RBMS1: variants seen among roughly 807,000 people sequenced by gnomAD.
The protein encoded by RBMS1 is RNA-binding motif, single-stranded-interacting protein 1.
RBMS1 carries 17 observed loss-of-function variants against 62.3 expected under a neutral mutation model. That is an observed-to-expected ratio of 0.27 (90% CI 0.19 to 0.41). The LOEUF (loss-of-function observed/expected upper bound fraction) is 0.41. Ranked by LOEUF, RBMS1 falls within the 10% of genes least tolerant of loss-of-function variation. RBMS1 has a pLI of 1.00. For synonymous variants in RBMS1, 172 were observed against 170.0 expected (o/e 1.01, Z -0.09); for missense variants, 334 against 504.5 (o/e 0.66, Z 3.24).
At chr2:160,332,285 A>G (rs934598388) in intron 2 of RBMS1, among the ~76,000 whole-genome samples, 5 of 152,366 alleles carry the variant, frequency 3.3e-5, no homozygotes, top group Non-Finnish European at 7.4e-5. Context: ...GTAAAAGAAT[A>G]GCGGCAAAGA....
At chr2:160,392,805 T>C (rs1326205447) in intron 1 of RBMS1, among the ~76,000 whole-genome samples, 6 of 151,904 alleles carry the variant, frequency 3.9e-5, no homozygotes, top group Non-Finnish European at 8.8e-5. Context: ...GGTGGGAGGA[T>C]TGCTCCAGCT....
intron 13 of RBMS1, chr2:160,275,399 G>C (rs1020981220): frequency 1.6e-6 from 1 of 616,260 alleles, no homozygotes; most frequent in Admixed American, 4.5e-5. Context: ...CTTTTTAGTG[G>C]GGAGAGTATA....
At chr2:160,488,196 A>G (rs1685674800) in intron 1 of RBMS1, among the ~76,000 whole-genome samples, 1 of 152,190 alleles carries the variant, frequency 6.6e-6, no homozygotes, top group Non-Finnish European at 1.5e-5. Context: ...TAACCAAACT[A>G]CCTATGGTAG....
intron 1 of RBMS1, among the ~76,000 whole-genome samples, chr2:160,485,632 A>G (rs1685569647): frequency 6.6e-6 from 1 of 152,032 alleles, no homozygotes; most frequent in Non-Finnish European, 1.5e-5. Flanking sequence ...ACTCACTTAT[A>G]AGTTAAGGTA....
chr2:160,311,224 C>CCATATATATATA (rs71297446), intron 4 of RBMS1, among the ~76,000 whole-genome samples: 3,255 of 55,912 alleles, frequency 0.058, 270 homozygotes, highest in Admixed American at 0.13. Flanking sequence ...ATCTATCTAT[C>CCATATATATATA]TATCTATCTA....
At position 160,493,463 on chromosome 2, in the gene RBMS1, C is replaced by T. The variant is rs1259137061; in HGVS notation, c.-100G>A. 9.8e-6 allele frequency: 10 copies of T among 1,024,088 alleles called. No individual in the cohort carries two copies. Among genetic ancestry groups the T allele is most frequent in the Non-Finnish European group, 1.3e-5 (9 of 674,878 alleles). The allele number at this position is 1,024,088 out of a possible 1,614,324, so 63.4% of individuals were successfully genotyped here. On this transcript the variant is annotated 5_prime_UTR_variant, in exon 1 of 14. Coordinates refer to ENST00000348849, the MANE Select transcript of RBMS1 (RefSeq NM_016836.4). ...CCCTTTCCGGCGGCGGCGGCAGCGGCGGCGGCGGCGGCGGCTGCTGCTGCT... is the reference window on the plus strand; with the variant it reads ...CCCTTTCCGGCGGCGGCGGCAGCGGTGGCGGCGGCGGCGGCTGCTGCTGCT...
chr2:160,333,895 C>A (rs1430595655), intron 2 of RBMS1, among the ~76,000 whole-genome samples: 2 of 151,750 alleles, frequency 1.3e-5, no homozygotes, highest in Non-Finnish European at 2.9e-5. Flanking sequence ...AGATGAAGCC[C>A]CATAACATTT....
In RBMS1 at chr2:160,345,146, T is replaced by C. The variant is rs1185926640; in HGVS notation, c.251+22070A>G. ...AACTGGAAACTCTTTTTCTTCCTAT[T>C]GTGAAACCCACAATGCTAAGTAGAG... On this transcript the variant is annotated intron_variant, in intron 2 of 13. Transcript: ENST00000348849. 5.3e-5 allele frequency among the ~76,000 whole-genome samples: 8 copies of C among 152,090 alleles called. No homozygotes were observed. In the East Asian group the frequency reaches 1.5e-3, roughly 29 times the overall value.
At chr2:160,395,518 G>T (rs1251593668) in intron 1 of RBMS1, among the ~76,000 whole-genome samples, 2 of 151,910 alleles carry the variant, frequency 1.3e-5, no homozygotes, top group Non-Finnish European at 2.9e-5. Flanking sequence ...TAGCTACTTG[G>T]GAGGCTGAGG....
intron 11 of RBMS1, chr2:160,278,204 C>A: frequency 3.8e-6 from 1 of 260,116 alleles, no homozygotes. Context: ...GAAATAATTC[C>A]CTGCTTTTAC....
chr2:160,282,294 TC>T, intron 9 of RBMS1: 1 of 1,367,934 alleles, frequency 7.3e-7, no homozygotes, highest in East Asian at 4.5e-5. Context: ...TTCTCTGGTT[TC>T]CTTTGCCACC....
At chr2:160,328,280 C>T (rs1238412459) in intron 2 of RBMS1, among the ~76,000 whole-genome samples, 21 of 152,164 alleles carry the variant, frequency 1.4e-4, no homozygotes, top group Admixed American at 1.4e-3. Context: ...CAATTAAGGG[C>T]ACTTCTAATT....
At chr2:160,490,914 T>C (rs1156563804) in intron 1 of RBMS1, among the ~76,000 whole-genome samples, 1 of 152,220 alleles carries the variant, frequency 6.6e-6, no homozygotes, top group African/African-American at 2.4e-5. Context: ...GAGTGATGTT[T>C]TCTATCCCAT....
At chr2:160,432,794 C>T (rs550948126) in intron 1 of RBMS1, among the ~76,000 whole-genome samples, 30 of 151,924 alleles carry the variant, frequency 2.0e-4, no homozygotes, top group Non-Finnish European at 4.0e-4. Flanking sequence ...AAAAGTGAGG[C>T]TCACTGCCAA....
intron 9 of RBMS1, chr2:160,282,067 C>G (rs1688130070): frequency 2.6e-6 from 1 of 387,918 alleles, no homozygotes; most frequent in Non-Finnish European, 4.8e-6. Flanking sequence ...GTCTGCCACT[C>G]AAGAGAAAAA....
chr2:160,369,148 C>G (rs140103599), intron 1 of RBMS1, among the ~76,000 whole-genome samples: 1 of 152,280 alleles, frequency 6.6e-6, no homozygotes, highest in African/African-American at 2.4e-5. Context: ...CTGGGAACAT[C>G]GGTATTGCTT....
intron 1 of RBMS1, among the ~76,000 whole-genome samples, chr2:160,422,530 G>C (rs1053591806): frequency 2.0e-5 from 3 of 151,984 alleles, no homozygotes; most frequent in African/African-American, 7.3e-5. Context: ...TTTCAGACCT[G>C]GAAATGTAAG....
At chr2:160,284,713 A>G in intron 9 of RBMS1, 62 bp downstream of exon 9, 1 of 1,266,788 alleles carries the variant, frequency 7.9e-7, no homozygotes, top group Non-Finnish European at 1.2e-6. Flanking sequence ...ACACATAAAA[A>G]TGTAGCAGAG....
intron 1 of RBMS1, among the ~76,000 whole-genome samples, chr2:160,413,901 C>A (rs1696118860): frequency 6.6e-6 from 1 of 152,210 alleles, no homozygotes; most frequent in South Asian, 2.1e-4. Flanking sequence ...GATCTTGGGT[C>A]TCTTTGACTC....
Sources: gnomAD v4.1 joint callset for allele counts (sites outside exome capture counted in the v4.1 genomes callset) on GRCh38, gnomAD v4.1.1 for gene constraint, MANE v1.5 for transcripts, NCBI Gene and HGNC (gene_info 2026-07-23, HGNC 2026-07-21) for gene names.